Variants in MAGI1 observed in about 807,000 individuals in gnomAD.
MAGI1 encodes the protein membrane associated guanylate kinase, WW and PDZ domain containing 1, also known as membrane-associated guanylate kinase, WW and PDZ domain-containing protein 1.
A neutral mutation model predicts 139.9 loss-of-function variants in MAGI1; 58 were observed. That is an observed-to-expected ratio of 0.41 (90% CI 0.34 to 0.52). The LOEUF is 0.52. MAGI1 is among the 20% of genes least tolerant of loss of function. The pLI, the probability that MAGI1 is intolerant of heterozygous loss-of-function variation, is 0.12. For missense variants in MAGI1, 1,874 were observed against 1,901.6 expected, an observed-to-expected ratio of 0.99 and a Z score of 0.27; for synonymous variants, 812 against 737.9, an observed-to-expected ratio of 1.10 and a Z score of -1.63.
At chr3:66,014,212 G>A (rs1009358431) in intron 1 of MAGI1, among the ~76,000 whole-genome samples, 1 of 152,078 alleles carries the variant, frequency 6.6e-6, no homozygotes, top group East Asian at 1.9e-4. Context: ...AGAACAACAG[G>A]TGTAAACCAG....
At chr3:66,012,941 A>G (rs1009692680) in intron 1 of MAGI1, among the ~76,000 whole-genome samples, 2 of 152,184 alleles carry the variant, frequency 1.3e-5, no homozygotes, top group African/African-American at 4.8e-5. Flanking sequence ...GAAGCAAAGA[A>G]AAGAGGAACC....
chr3:65,920,971 G>C (rs1447741741), intron 1 of MAGI1, among the ~76,000 whole-genome samples: 1 of 151,934 alleles, frequency 6.6e-6, no homozygotes, highest in Non-Finnish European at 1.5e-5. Flanking sequence ...AGAGGTTGCA[G>C]AGAGCCGAGA....
At chr3:65,684,031 A>G (rs938588508) in intron 1 of MAGI1, among the ~76,000 whole-genome samples, 21 of 150,784 alleles carry the variant, frequency 1.4e-4, no homozygotes, top group Non-Finnish European at 1.2e-4. Flanking sequence ...TTAATTATCC[A>G]GGATGGATGG....
Position 66,038,059 on chromosome 3 carries a change from A to G in MAGI1, c.250T>C (p.Tyr84His), listed in dbSNP as rs146286104. Residue 84 changes from tyrosine (Y) to histidine (H), a missense_variant, in exon 1 of 23, where the codon TAT becomes CAT. Tyr to His is a moderately conservative substitution (Grantham distance 83, BLOSUM62 2). Around this residue, in one of 5 missense-constraint regions of MAGI1, gnomAD observed 648 missense variants for 598.1 expected, o/e 1.08. Coordinates refer to ENST00000402939, the MANE Select transcript of MAGI1 (RefSeq NM_001033057.2). ...QGVRVSGLPR[Y>H]DVLGVIDSCK... ...CTGTCGATGACCCCCAGCACGTCAT[A>G]GCGGGGCAAGCCGGACACCCGGACC... 3 of 1,612,256 alleles carry G rather than the reference A, an allele frequency of 1.9e-6. No individual in the cohort carries two copies. In the African/African-American group the frequency reaches 4.0e-5, roughly 22 times the overall value.
chr3:65,872,855 CA>C (rs2059985498), intron 1 of MAGI1: 1 of 151,994 alleles, frequency 6.6e-6, no homozygotes, highest in South Asian at 2.1e-4. Flanking sequence ...CATGAGCAGG[CA>C]AAACAAATAT....
intron 1 of MAGI1, among the ~76,000 whole-genome samples, chr3:66,024,333 AAAAAAG>A (rs1316351793): frequency 1.3e-5 from 2 of 150,862 alleles, no homozygotes; most frequent in Non-Finnish European, 3.0e-5. Flanking sequence ...AAAAAAAAAA[AAAAAAG>A]AACAGGCTTC....
At chr3:65,497,587 T>A (rs1952546428) in intron 2 of MAGI1, among the ~76,000 whole-genome samples, 1 of 151,670 alleles carries the variant, frequency 6.6e-6, no homozygotes, top group Non-Finnish European at 1.5e-5. Flanking sequence ...TGAAAAAAAA[T>A]GAGGACAAAA....
At chr3:65,932,621 C>A (rs192215725) in intron 1 of MAGI1, among the ~76,000 whole-genome samples, 4 of 152,310 alleles carry the variant, frequency 2.6e-5, no homozygotes, top group East Asian at 3.9e-4. Context: ...CTATGAAATT[C>A]TCTCTTTCCA....
intron 12 of MAGI1, among the ~76,000 whole-genome samples, chr3:65,428,041 G>A (rs1575708015): frequency 6.6e-6 from 1 of 152,114 alleles, no homozygotes; most frequent in Admixed American, 6.5e-5. Flanking sequence ...CAGGCTCATT[G>A]AGCATTTCAA....
At chr3:65,502,557 A>G (rs778132744) in intron 2 of MAGI1, among the ~76,000 whole-genome samples, 1 of 152,200 alleles carries the variant, frequency 6.6e-6, no homozygotes, top group Non-Finnish European at 1.5e-5. Flanking sequence ...AGTAGTTCAA[A>G]TCCAGCCTGG....
intron 2 of MAGI1, among the ~76,000 whole-genome samples, chr3:65,520,827 T>A (rs1322628744): frequency 6.6e-6 from 1 of 152,206 alleles, no homozygotes; most frequent in African/African-American, 2.4e-5. Flanking sequence ...TTCAGAAGCC[T>A]TTCGTGACTT....
intron 3 of MAGI1, among the ~76,000 whole-genome samples, chr3:65,489,307 C>T (rs1170130650): frequency 6.6e-6 from 1 of 152,174 alleles, no homozygotes; most frequent in Admixed American, 6.5e-5. Flanking sequence ...CTGCCCTGTA[C>T]ATCATATCCC....
intron 8 of MAGI1, among the ~76,000 whole-genome samples, chr3:65,441,662 T>C (rs141373040): frequency 6.6e-6 from 1 of 152,304 alleles, no homozygotes; most frequent in East Asian, 1.9e-4. Context: ...ACAGTACATC[T>C]GTGAGAAAGA....
rs1412390371 is a variant in MAGI1 at position 66,038,129 on chromosome 3, C to A, written c.180G>T (p.Glu60Asp). ...GCTCCCCTTCGCCCAGCCTCGGGCC[C>A]TCGCCGCCGCCGGGAAGCCCCGCTG... is the stretch of plus-strand genomic sequence containing the variant. ...VEAAGLPGGG[E>D]GPRLGEGELL... Residue 60 changes from glutamate to aspartate, a missense_variant, in exon 1 of 23, where the codon GAG becomes GAT. Transcript: ENST00000402939. 1 of 1,612,156 alleles carries A rather than the reference C, an allele frequency of 6.2e-7. No individual in the cohort carries two copies. The highest frequency in any genetic ancestry group is 8.5e-7 in the Non-Finnish European group (1 of 1,179,536).
rs1161874903 is a variant in MAGI1, at chr3:65,792,672, C to T, written c.314-170584G>A. On this transcript the variant is annotated intron_variant, in intron 1 of 22. Coordinates refer to ENST00000402939, the MANE Select transcript of MAGI1 (RefSeq NM_001033057.2). ...TACTAAGTGGCTAACAGGGAAGTGG[C>T]GTATACAGCATGGGTCCGATGGACA... 2.0e-5 allele frequency among the ~76,000 whole-genome samples: 3 copies of T among 151,942 alleles called. No homozygotes were observed. The South Asian group carries it at 6.2e-4, about 32-fold the overall frequency.
chr3:66,010,449 A>G (rs1313600677), intron 1 of MAGI1, among the ~76,000 whole-genome samples: 2 of 152,188 alleles, frequency 1.3e-5, no homozygotes, highest in African/African-American at 4.8e-5. Context: ...CTGATGCCCA[A>G]CAAGCCTGCT....
rs548205809 is a variant in MAGI1, at chr3:65,478,914, G to C, written c.551-116C>G. ...AAAAAAAAATTAAACTAGAAAACCA[G>C]AACAAACTGTATTTTATTTCTGGAG... On this transcript the variant is annotated intron_variant, in intron 3 of 22. Coordinates refer to ENST00000402939, the MANE Select transcript of MAGI1 (RefSeq NM_001033057.2). 10 of 740,284 alleles carry C rather than the reference G, an allele frequency of 1.4e-5. No homozygotes were observed. The East Asian group carries it at 2.3e-4, about 17-fold the overall frequency. 45.9% of individuals were successfully genotyped at this position (740,284 alleles called of 1,614,324 possible).
At chr3:65,816,452 C>G (rs556013834) in intron 1 of MAGI1, among the ~76,000 whole-genome samples, 1 of 152,120 alleles carries the variant, frequency 6.6e-6, no homozygotes, top group Non-Finnish European at 1.5e-5. Flanking sequence ...CTGTACTGGA[C>G]AGCACAGCTG....
At chr3:65,869,063 C>A (rs1395579602) in intron 1 of MAGI1, among the ~76,000 whole-genome samples, 1 of 151,744 alleles carries the variant, frequency 6.6e-6, no homozygotes, top group African/African-American at 2.4e-5. Context: ...GTCAGGAGAT[C>A]GAGACCACGG....
Sources: allele counts gnomAD v4.1 joint callset (sites outside exome capture counted in the v4.1 genomes callset), GRCh38; gene constraint gnomAD v4.1.1; regional missense constraint gnomAD v4.1.1; transcripts MANE v1.5; gene names NCBI Gene and HGNC (gene_info 2026-07-23, HGNC 2026-07-21).